Variants in STON2 observed in about 807,000 individuals in gnomAD.
STON2 encodes the protein stonin-2.
In STON2, 29 loss-of-function variants were observed where a neutral mutation model predicts 65.7. The observed-to-expected ratio is 0.44, with a 90% confidence interval of 0.33 to 0.60. STON2 has a LOEUF of 0.60. Ranked by LOEUF, STON2 falls within the 20% of genes least tolerant of loss-of-function variation. The pLI, the probability that STON2 is intolerant of heterozygous loss-of-function variation, is 0.03. For synonymous variants in STON2, 404 were observed against 414.2 expected, an observed-to-expected ratio of 0.98 and a Z score of 0.30; for missense variants, 1,054 against 1,118.1, an observed-to-expected ratio of 0.94 and a Z score of 0.82.
At chr14:81,356,456 G>A (rs1898236643) in intron 4 of STON2, among the ~76,000 whole-genome samples, 1 of 152,074 alleles carries the variant, frequency 6.6e-6, no homozygotes, top group Non-Finnish European at 1.5e-5. Flanking sequence ...CAAGGATATT[G>A]GTCTAAAATT....
intron 6 of STON2, among the ~76,000 whole-genome samples, chr14:81,275,264 T>G (rs1191280376): frequency 6.6e-6 from 1 of 152,166 alleles, no homozygotes; most frequent in Non-Finnish European, 1.5e-5. Flanking sequence ...TGGAAATTAT[T>G]TCAATATTTG....
intron 4 of STON2, among the ~76,000 whole-genome samples, chr14:81,370,181 A>C (rs1313408886): frequency 1.3e-5 from 2 of 152,236 alleles, no homozygotes; most frequent in East Asian, 3.8e-4. Context: ...GAAACTCTGA[A>C]CAACATTGAA....
rs996004508 is a variant in STON2 at position 81,263,132 on chromosome 14, G to A, written c.*5282C>T. ...ATTTAATTTTTTGTTAGTTTTGCTT[G>A]AAATTCCTGTTAAATTGCATTCTGG... On this transcript the variant is annotated 3_prime_UTR_variant, in exon 8 of 8. Coordinates refer to ENST00000614646, the MANE Select transcript of STON2 (RefSeq NM_001394390.1). 1.0e-5 allele frequency: 10 copies of A among 985,384 alleles called. No homozygotes were observed. The highest frequency in any genetic ancestry group is 1.2e-5 in the Non-Finnish European group (10 of 829,922). The allele number at this position is 985,384 out of a possible 1,614,324, so 61.0% of individuals were successfully genotyped here.
At chr14:81,415,816 A>G (rs1287642178) in intron 2 of STON2, among the ~76,000 whole-genome samples, 1 of 152,166 alleles carries the variant, frequency 6.6e-6, no homozygotes, top group Non-Finnish European at 1.5e-5. Flanking sequence ...ATATCCAAAA[A>G]AATCATAATA....
At chr14:81,333,384 G>T in intron 4 of STON2, 4 of 444,260 alleles carry the variant, frequency 9.0e-6, no homozygotes, top group South Asian at 6.2e-5. Context: ...TCCTCAGACA[G>T]CCAGGGAGGC....
intron 7 of STON2, chr14:81,270,263 T>C (rs1230291739): frequency 1.8e-6 from 1 of 555,512 alleles, no homozygotes; most frequent in East Asian, 1.5e-4. Context: ...TTTTGTACTT[T>C]TTATAGAGAT....
chr14:81,310,175 G>C (rs564634832), intron 5 of STON2, among the ~76,000 whole-genome samples: 16 of 152,256 alleles, frequency 1.1e-4, no homozygotes, highest in African/African-American at 3.6e-4. Flanking sequence ...ACTTTGGCCA[G>C]AATGAGTTAA....
At chr14:81,422,429 G>A (rs2139900823) in intron 2 of STON2, among the ~76,000 whole-genome samples, 1 of 152,232 alleles carries the variant, frequency 6.6e-6, no homozygotes, top group African/African-American at 2.4e-5. Flanking sequence ...ACAACCCGCA[G>A]AACTATGAGC....
intron 5 of STON2, among the ~76,000 whole-genome samples, chr14:81,302,423 G>GTA (rs1386295247): frequency 6.6e-6 from 1 of 152,342 alleles, no homozygotes; most frequent in South Asian, 2.1e-4. Flanking sequence ...AATAGGCTCA[G>GTA]TATCCCTTCG....
chr14:81,356,794 G>A lies in STON2; in HGVS notation c.571+14194C>T, dbSNP rs1004718964. On this transcript the variant is annotated intron_variant, in intron 4 of 7. Coordinates refer to ENST00000614646, the MANE Select transcript of STON2 (RefSeq NM_001394390.1). The stretch of plus-strand genomic sequence containing the variant: ...CTTCTAGATTTTCTAGTTTATTTGC[G>A]TAGAGGTGTTTGTAGTATTCTCTGA... Among the ~76,000 whole-genome samples, 1,263 of 151,966 alleles carry A rather than the reference G, an allele frequency of 8.3e-3. 20 individuals are homozygous for A. The highest frequency in any genetic ancestry group is 0.029 in the African/African-American group (1,213 of 41,446).
At chr14:81,385,917 A>T (rs1471038281) in intron 3 of STON2, among the ~76,000 whole-genome samples, 1 of 152,124 alleles carries the variant, frequency 6.6e-6, no homozygotes, top group Non-Finnish European at 1.5e-5. Flanking sequence ...AAAGCTAGAG[A>T]GTGGAGGTGG....
intron 7 of STON2, chr14:81,270,127 A>T: frequency 7.3e-6 from 6 of 818,990 alleles, no homozygotes; most frequent in Non-Finnish European, 8.9e-6. Context: ...TCGCTCTGTC[A>T]CTCAGGCTGG....
chr14:81,263,643 A>T lies in STON2; in HGVS notation c.*4771T>A, dbSNP rs996277982. On this transcript the variant is annotated 3_prime_UTR_variant, in exon 8 of 8. Transcript: ENST00000614646. ...TGTATTTTATGTGTGACCCAAGACA[A>T]TTCTTCTTCCTATGTGGCCCAGGGA... is the stretch of plus-strand genomic sequence containing the variant. 2 of 751,414 alleles carry T rather than the reference A, an allele frequency of 2.7e-6. No individual in the cohort carries two copies. The highest frequency in any genetic ancestry group is 3.2e-6 in the Non-Finnish European group (2 of 616,878). 46.5% of individuals were successfully genotyped at this position (751,414 alleles called of 1,614,324 possible).
intron 4 of STON2, among the ~76,000 whole-genome samples, chr14:81,340,371 C>A (rs549208450): frequency 6.6e-6 from 1 of 152,264 alleles, no homozygotes; most frequent in South Asian, 2.1e-4. Flanking sequence ...CGTTCATTAT[C>A]TTGATTATGG....
intron 4 of STON2, among the ~76,000 whole-genome samples, chr14:81,327,053 G>C (rs1244301925): frequency 6.6e-6 from 1 of 152,208 alleles, no homozygotes; most frequent in Non-Finnish European, 1.5e-5. Context: ...AGCTATTTGG[G>C]AGGCTGAGGC....
Position 81,266,242 on chromosome 14 carries a change from A to G in STON2, c.*2172T>C. 3.2e-6 allele frequency: 1 copy of G among 308,020 alleles called. No homozygotes were observed. The highest frequency in any genetic ancestry group is 1.3e-4 in the South Asian group (1 of 7,830). 19.1% of individuals were successfully genotyped at this position (308,020 alleles called of 1,614,324 possible). A position where few individuals can be genotyped will look rare whatever the true frequency, so the allele number is the denominator to read the frequency against. On this transcript the variant is annotated 3_prime_UTR_variant, in exon 8 of 8. Transcript: ENST00000614646. ...TTTTAACTGTTGGGCATTCACAGGA[A>G]CAGGAAATCTTACTAACTTGAGTCT...
At chr14:81,275,914 T>C (rs553672606) in intron 6 of STON2, among the ~76,000 whole-genome samples, 26 of 152,320 alleles carry the variant, frequency 1.7e-4, no homozygotes, top group African/African-American at 5.8e-4. Flanking sequence ...TAAGAAAGGA[T>C]AGCCACATAA....
Position 81,261,788 on chromosome 14 carries a change from C to T in STON2, c.*6626G>A, listed in dbSNP as rs187399397. On this transcript the variant is annotated 3_prime_UTR_variant, in exon 8 of 8. Transcript: ENST00000614646. ...TGTCTGTGCCTCTTCATGCTCACAC[C>T]ATTGTTCTGATAGATGATGCCAGTG... 95 of 1,522,954 alleles carry T rather than the reference C, an allele frequency of 6.2e-5. No individual in the cohort carries two copies. Among genetic ancestry groups the T allele is most frequent in the Admixed American group, 2.8e-4 (13 of 46,158 alleles). The allele number at this position is 1,522,954 out of a possible 1,614,324, so 94.3% of individuals were successfully genotyped here. A position where few individuals can be genotyped will look rare whatever the true frequency, so the allele number is the denominator to read the frequency against.
intron 5 of STON2, among the ~76,000 whole-genome samples, chr14:81,321,757 A>C (rs1896828889): frequency 1.3e-5 from 2 of 152,158 alleles, no homozygotes; most frequent in African/African-American, 4.8e-5. Flanking sequence ...CATGAATGGG[A>C]GTGTATAAAA....
Sources: allele counts gnomAD v4.1 joint callset (sites outside exome capture counted in the v4.1 genomes callset), GRCh38; gene constraint gnomAD v4.1.1; transcripts MANE v1.5; gene names NCBI Gene and HGNC (gene_info 2026-07-23, HGNC 2026-07-21).